The following UGT1A8 variants were observed in gnomAD, a reference collection of about 807,000 sequenced individuals.
The protein encoded by UGT1A8 is UDP glucuronosyltransferase family 1 member A8, also known as UDP-glucuronosyltransferase 1A8.
In UGT1A8, 39 loss-of-function variants were observed where a neutral mutation model predicts 45.3. The ratio of observed to expected loss-of-function variants is 0.86; its 90% CI spans 0.67 to 1.12. UGT1A8 has a LOEUF of 1.12. UGT1A8 is among the 50% of genes most tolerant of loss of function. The pLI, the probability that UGT1A8 is intolerant of heterozygous loss-of-function variation, is 0.00. For missense variants in UGT1A8, 719 were observed against 664.9 expected (o/e 1.08, Z -0.90); for synonymous variants, 275 against 249.2 (o/e 1.10, Z -0.97).
intron 1 of UGT1A8, among the ~76,000 whole-genome samples, chr2:233,660,005 G>T (rs1223051264): frequency 6.6e-6 from 1 of 152,116 alleles, no homozygotes; most frequent in Non-Finnish European, 1.5e-5. Context: ...CAAGATCTCT[G>T]TCTTCAAACT....
At chr2:233,728,823 T>G (rs1575576976) in intron 1 of UGT1A8, among the ~76,000 whole-genome samples, 2 of 152,200 alleles carry the variant, frequency 1.3e-5, no homozygotes, top group East Asian at 1.9e-4. Context: ...ATGAAATGGG[T>G]GTTCACAGCC....
At chr2:233,637,011 C>G (rs932855712) in intron 1 of UGT1A8, 1 of 1,613,976 alleles carries the variant, frequency 6.2e-7, no homozygotes, top group African/African-American at 1.3e-5. Flanking sequence ...ATTTCTCCCT[C>G]CCCTCTGTGG....
chr2:233,757,238 G>C (rs191269433), intron 1 of UGT1A8, among the ~76,000 whole-genome samples: 1 of 148,984 alleles, frequency 6.7e-6, no homozygotes, highest in East Asian at 2.0e-4. Flanking sequence ...AGAAGTGGTG[G>C]TGAGGTGGGG....
intron 1 of UGT1A8, among the ~76,000 whole-genome samples, chr2:233,637,771 G>T (rs1439149100): frequency 6.6e-6 from 1 of 152,086 alleles, no homozygotes; most frequent in Non-Finnish European, 1.5e-5. Flanking sequence ...AATATCTCAT[G>T]TAAGTTCCCA....
chr2:233,750,143 G>C (rs1694374277), intron 1 of UGT1A8, among the ~76,000 whole-genome samples: 1 of 151,908 alleles, frequency 6.6e-6, no homozygotes, highest in Admixed American at 6.5e-5. Context: ...GAACTTCCTA[G>C]AGACTTGTTG....
At chr2:233,632,210 A>T (rs1325233339) in intron 1 of UGT1A8, among the ~76,000 whole-genome samples, 4 of 152,012 alleles carry the variant, frequency 2.6e-5, no homozygotes, top group African/African-American at 7.2e-5. Context: ...GTTTGGGTAC[A>T]AGTACCATGC....
intron 1 of UGT1A8, chr2:233,747,264 A>G (rs1440326311): frequency 6.9e-5 from 111 of 1,598,996 alleles, no homozygotes; most frequent in Non-Finnish European, 9.0e-5. Flanking sequence ...CAGGAGTGCT[A>G]CTCCTTCTCA....
At chr2:233,715,800 A>G (rs144113297) in intron 1 of UGT1A8, among the ~76,000 whole-genome samples, 21 of 152,308 alleles carry the variant, frequency 1.4e-4, no homozygotes, top group African/African-American at 4.8e-4. Context: ...TTGGAATGTG[A>G]AAATCTTGTT....
chr2:233,657,107 C>G (rs188890664), intron 1 of UGT1A8, among the ~76,000 whole-genome samples: 239 of 152,258 alleles, frequency 1.6e-3, no homozygotes, highest in South Asian at 8.3e-3. Flanking sequence ...ACACAATACA[C>G]CGTCTCTTTG....
At chr2:233,646,099 C>G (rs1167950692) in intron 1 of UGT1A8, among the ~76,000 whole-genome samples, 1 of 152,234 alleles carries the variant, frequency 6.6e-6, no homozygotes, top group Non-Finnish European at 1.5e-5. Flanking sequence ...CACATGGAAG[C>G]TGCCAAGGCT....
At chr2:233,764,944 G>A (rs994254200) in intron 1 of UGT1A8, among the ~76,000 whole-genome samples, 1 of 152,160 alleles carries the variant, frequency 6.6e-6, no homozygotes, top group South Asian at 2.1e-4. Flanking sequence ...AGAGTGGCGG[G>A]GAGAGAGGGC....
intron 1 of UGT1A8, among the ~76,000 whole-genome samples, chr2:233,716,781 G>A (rs2076525063): frequency 6.6e-6 from 1 of 152,150 alleles, no homozygotes; most frequent in Admixed American, 6.5e-5. Context: ...TCAGGCTTTC[G>A]GGATGCCTTT....
chr2:233,719,548 T>C, intron 1 of UGT1A8: 1 of 1,613,762 alleles, frequency 6.2e-7, no homozygotes, highest in Non-Finnish European at 8.5e-7. Flanking sequence ...CAGAGAGAGG[T>C]GTCAGTGGTG....
In UGT1A8 at chr2:233,772,840, C is replaced by G. The variant is rs1271510565; in HGVS notation, c.*281C>G. 15 of 833,784 alleles carry G rather than the reference C, an allele frequency of 1.8e-5. No homozygotes were observed. The highest frequency in any genetic ancestry group is 3.3e-5 in the Admixed American group (1 of 29,978). The allele number at this position is 833,784 out of a possible 1,614,324, so 51.6% of individuals were successfully genotyped here. A position where few individuals can be genotyped will look rare whatever the true frequency, so the allele number is the denominator to read the frequency against. On this transcript the variant is annotated 3_prime_UTR_variant, in exon 5 of 5. Transcript: ENST00000373450. ...GCAGACAGGCTGGCATTCTAGATTACTTTTCTTACTCTGAAACATGGCCTG... is the reference window on the plus strand; with the variant it reads ...GCAGACAGGCTGGCATTCTAGATTAGTTTTCTTACTCTGAAACATGGCCTG...
At chr2:233,650,004 CTTG>C (rs778456218) in intron 1 of UGT1A8, among the ~76,000 whole-genome samples, 32 of 152,122 alleles carry the variant, frequency 2.1e-4, no homozygotes, top group Non-Finnish European at 4.0e-4. Flanking sequence ...GAGTTTCACT[CTTG>C]TTGTCGAGGC....
At chr2:233,721,929 C>T (rs1233602775) in intron 1 of UGT1A8, 1 of 379,610 alleles carries the variant, frequency 2.6e-6, no homozygotes, top group African/African-American at 2.1e-5. Context: ...AAAGTGACAT[C>T]CTTCAGACAC....
intron 1 of UGT1A8, among the ~76,000 whole-genome samples, chr2:233,651,585 G>T (rs1287452404): frequency 2.6e-5 from 4 of 152,206 alleles, no homozygotes; most frequent in Non-Finnish European, 5.9e-5. Context: ...TTGACAAAGA[G>T]CCTTGGTTAC....
chr2:233,712,147 G>C (rs1170560500), intron 1 of UGT1A8, among the ~76,000 whole-genome samples: 1 of 152,218 alleles, frequency 6.6e-6, no homozygotes, highest in African/African-American at 2.4e-5. Flanking sequence ...GCATTCAGAA[G>C]AGGAATTCAG....
In UGT1A8 at chr2:233,720,107, C is replaced by T. The variant is rs542335836; in HGVS notation, c.856-46927C>T. ...GATAATTTTTAGTGGTCCCATCTTGCGAAAGATACAGAGGTGACCACAGGA... is the reference window on the plus strand; with the variant it reads ...GATAATTTTTAGTGGTCCCATCTTGTGAAAGATACAGAGGTGACCACAGGA... On this transcript the variant is annotated intron_variant, in intron 1 of 4. Transcript: ENST00000373450. Among the ~76,000 whole-genome samples, 144 of 152,152 alleles carry T rather than the reference C, an allele frequency of 9.5e-4. 1 individual carries two copies. Among genetic ancestry groups the T allele is most frequent in the African/African-American group, 3.2e-3 (134 of 41,490 alleles).
Sources: gnomAD v4.1 joint callset for allele counts (sites outside exome capture counted in the v4.1 genomes callset) on GRCh38, gnomAD v4.1.1 for gene constraint, MANE v1.5 for transcripts, NCBI Gene and HGNC (gene_info 2026-07-23, HGNC 2026-07-21) for gene names.